APPBP2: variants seen among roughly 807,000 people sequenced by gnomAD.
APPBP2 encodes amyloid protein-binding protein 2.
APPBP2 carries 15 observed loss-of-function variants against 76.0 expected under a neutral mutation model. That is an observed-to-expected ratio of 0.20 (90% CI 0.13 to 0.30). The LOEUF (loss-of-function observed/expected upper bound fraction) is 0.30. APPBP2 is among the 10% of genes least tolerant of loss of function. APPBP2 has a pLI of 1.00. For missense variants in APPBP2, 401 were observed against 687.2 expected (o/e 0.58, Z 4.66); for synonymous variants, 222 against 242.2 (o/e 0.92, Z 0.77).
intron 3 of APPBP2, among the ~76,000 whole-genome samples, chr17:60,486,083 TTC>T (rs1399483284): frequency 6.6e-6 from 1 of 152,224 alleles, no homozygotes; most frequent in African/African-American, 2.4e-5. Flanking sequence ...GTGATTTCTG[TTC>T]TTTTACATTT....
chr17:60,484,052 T>C (rs1326311883), intron 3 of APPBP2, among the ~76,000 whole-genome samples: 2 of 152,268 alleles, frequency 1.3e-5, no homozygotes, highest in East Asian at 3.9e-4. Context: ...ATGTGTGGTA[T>C]TATTTATGAG....
chr17:60,492,441 A>G (rs1228701413), intron 3 of APPBP2, among the ~76,000 whole-genome samples: 1 of 152,152 alleles, frequency 6.6e-6, no homozygotes, highest in Non-Finnish European at 1.5e-5. Flanking sequence ...AAAACCACAG[A>G]CACTCGACGC....
chr17:60,525,914 T>C lies in APPBP2; in HGVS notation c.18A>G (p.Leu6=), dbSNP rs764871179. The C allele has an allele frequency of 4.3e-6, 7 of 1,613,280 alleles. No homozygotes were observed. In the South Asian group the frequency reaches 7.7e-5, roughly 18 times the overall value. The part of the protein sequence containing the change: MAAVE[L]EWIPETLYNT... ...TATAGAGAGTCTCTGGGATCCACTC[T>C]AGTTCCACGGCCGCCATCTTCCTTC... The change falls in exon 1 of 13, where the codon CTA becomes CTG. Residue 6 remains leucine (L), a synonymous_variant. Transcript: ENST00000083182.
rs1223254730 is a variant in APPBP2, at chr17:60,447,647, G to A, written c.1692C>T (p.Pro564=). The A allele has an allele frequency of 6.2e-7, 1 of 1,614,054 alleles. No individual in the cohort carries two copies. Among genetic ancestry groups the A allele is most frequent in the Non-Finnish European group, 8.5e-7 (1 of 1,180,016 alleles). Residue 564 remains proline, a synonymous_variant, in exon 13 of 13, where the codon CCC becomes CCT. Transcript: ENST00000083182. ...TDALEDVSTS[P]QSTEEVVQSF... ...ACTGCACCACTTCTTCAGTGGACTG[G>A]GGGCTGGTGCTGACATCTTCAAGAG...
At chr17:60,518,435 C>T (rs1258367342) in intron 1 of APPBP2, among the ~76,000 whole-genome samples, 5 of 137,560 alleles carry the variant, frequency 3.6e-5, no homozygotes, top group African/African-American at 8.9e-5. Flanking sequence ...AACTCTTAGG[C>T]TTAAACAATC....
intron 1 of APPBP2, among the ~76,000 whole-genome samples, chr17:60,512,423 T>A (rs369562020): frequency 1.3e-5 from 2 of 151,920 alleles, no homozygotes; most frequent in Non-Finnish European, 2.9e-5. Flanking sequence ...TATAGAAAAA[T>A]TGAATTTTTA....
chr17:60,511,441 T>C (rs557357700), intron 1 of APPBP2, among the ~76,000 whole-genome samples: 1 of 152,026 alleles, frequency 6.6e-6, no homozygotes, highest in East Asian at 1.9e-4. Context: ...AAAAATTAGC[T>C]GGGCGTGGTG....
At chr17:60,490,555 G>C (rs1279289259) in intron 3 of APPBP2, among the ~76,000 whole-genome samples, 3 of 152,132 alleles carry the variant, frequency 2.0e-5, no homozygotes, top group African/African-American at 7.2e-5. Flanking sequence ...TGTTGTCCTA[G>C]CTACTCGGGA....
At chr17:60,523,963 A>G (rs957829587) in intron 1 of APPBP2, among the ~76,000 whole-genome samples, 1 of 152,222 alleles carries the variant, frequency 6.6e-6, no homozygotes, top group South Asian at 2.1e-4. Context: ...ATTAAACAAA[A>G]TAACACATAA....
intron 3 of APPBP2, among the ~76,000 whole-genome samples, chr17:60,486,562 C>A (rs557039230): frequency 6.6e-6 from 1 of 152,262 alleles, no homozygotes; most frequent in South Asian, 2.1e-4. Flanking sequence ...CTTTCTCCAT[C>A]CCTTTATTTT....
chr17:60,484,338 T>C (rs1203298254), intron 3 of APPBP2, among the ~76,000 whole-genome samples: 4 of 152,372 alleles, frequency 2.6e-5, no homozygotes, highest in African/African-American at 7.2e-5. Flanking sequence ...ATTTTCATGA[T>C]ACTGATTCTT....
chr17:60,493,900 G>C (rs1271718560), intron 3 of APPBP2, among the ~76,000 whole-genome samples: 3 of 152,120 alleles, frequency 2.0e-5, no homozygotes, highest in African/African-American at 7.2e-5. Flanking sequence ...GTAACCCAAA[G>C]TGCTAGGAAC....
At chr17:60,489,105 C>G (rs2090705179) in intron 3 of APPBP2, among the ~76,000 whole-genome samples, 1 of 151,812 alleles carries the variant, frequency 6.6e-6, no homozygotes. Flanking sequence ...GCCTATAATC[C>G]CAGCTACTCG....
chr17:60,525,629 G>A (rs140853841), intron 1 of APPBP2, among the ~76,000 whole-genome samples, 165 bp downstream of exon 1: 2 of 152,322 alleles, frequency 1.3e-5, no homozygotes, highest in African/African-American at 4.8e-5. Context: ...GGCATAGGGA[G>A]ATGGGGTGCT....
chr17:60,517,879 T>C (rs1239254631), intron 1 of APPBP2, among the ~76,000 whole-genome samples: 1 of 152,218 alleles, frequency 6.6e-6, no homozygotes, highest in Non-Finnish European at 1.5e-5. Flanking sequence ...TTCAGTTGAG[T>C]ATCTTTTAAT....
At chr17:60,460,854 A>G (rs906497551) in intron 8 of APPBP2, 67 bp from the exon 9 acceptor site, 13 of 1,498,206 alleles carry the variant, frequency 8.7e-6, no homozygotes, top group Non-Finnish European at 1.2e-5. Flanking sequence ...TAAACATCCT[A>G]GTAATTTAAA....
At chr17:60,486,386 T>C (rs970667234) in intron 3 of APPBP2, among the ~76,000 whole-genome samples, 1 of 152,200 alleles carries the variant, frequency 6.6e-6, no homozygotes, top group African/African-American at 2.4e-5. Flanking sequence ...TGCTCCTGTA[T>C]TGGGTGCATA....
rs1325871510 is a variant in APPBP2, at chr17:60,464,048, C to T, written c.735G>A (p.Val245=). The T allele has an allele frequency of 1.2e-6, 2 of 1,611,070 alleles. No homozygotes were observed. The highest frequency in any genetic ancestry group is 2.2e-5 in the East Asian group (1 of 44,768). Reference sequence around the variant, plus strand: ...TAGAAGCTTGTCTTAAGACATCCACCACAACTTTCACTGGTAAGCCTGCTG... The same window carrying T: ...TAGAAGCTTGTCTTAAGACATCCACTACAACTTTCACTGGTAAGCCTGCTG... The part of the protein sequence containing the change: ...EITAGLPVKV[V]VDVLRQASKA... The change falls in exon 6 of 13, where the codon GTG becomes GTA. Residue 245 remains valine, a synonymous_variant. Coordinates refer to ENST00000083182, the MANE Select transcript of APPBP2 (RefSeq NM_006380.5).
chr17:60,485,972 G>C (rs1233858223), intron 3 of APPBP2, among the ~76,000 whole-genome samples: 1 of 152,148 alleles, frequency 6.6e-6, no homozygotes, highest in Non-Finnish European at 1.5e-5. Context: ...TAGTCATTCA[G>C]GAGCAGGCTG....
Sources: allele counts gnomAD v4.1 joint callset (sites outside exome capture counted in the v4.1 genomes callset), GRCh38; gene constraint gnomAD v4.1.1; transcripts MANE v1.5; gene names NCBI Gene and HGNC (gene_info 2026-07-23, HGNC 2026-07-21).